The following DPP6 variants were observed in gnomAD, a reference collection of about 807,000 sequenced individuals.
DPP6 encodes the protein A-type potassium channel modulatory protein DPP6.
A neutral mutation model predicts 122.6 loss-of-function variants in DPP6; 69 were observed. The observed-to-expected ratio is 0.56, with a 90% CI of 0.46 to 0.69. The LOEUF (loss-of-function observed/expected upper bound fraction) is 0.69. DPP6 is among the 30% of genes least tolerant of loss of function. DPP6 has a pLI of 0.00. For synonymous variants in DPP6, 418 were observed against 433.1 expected (o/e 0.97, Z 0.43); for missense variants, 928 against 1,116.9 (o/e 0.83, Z 2.41).
intron 5 of DPP6, among the ~76,000 whole-genome samples, chr7:154,613,656 A>G (rs949181734): frequency 1.4e-5 from 2 of 145,240 alleles, no homozygotes; most frequent in African/African-American, 5.1e-5. Context: ...AAAAAAAAGT[A>G]GATGAAGCAA....
intron 9 of DPP6, among the ~76,000 whole-genome samples, chr7:154,772,556 C>A (rs1384036571): frequency 6.6e-6 from 1 of 152,182 alleles, no homozygotes; most frequent in African/African-American, 2.4e-5. Context: ...CTCGTCTTCT[C>A]TTTTAAGCAA....
intron 17 of DPP6, among the ~76,000 whole-genome samples, chr7:154,859,222 T>A (rs73485683): frequency 0.015 from 2,277 of 152,336 alleles, 62 homozygotes; most frequent in African/African-American, 0.052. Flanking sequence ...CATTTGCACC[T>A]CACGCCTCTG....
At chr7:154,775,339 C>T (rs1796495113) in intron 10 of DPP6, among the ~76,000 whole-genome samples, 1 of 152,126 alleles carries the variant, frequency 6.6e-6, no homozygotes, top group South Asian at 2.1e-4. Context: ...GCTGGTTCCT[C>T]CAATCGTTCC....
chr7:153,957,287 C>T (rs1280348081), intron 1 of DPP6, among the ~76,000 whole-genome samples: 1 of 152,214 alleles, frequency 6.6e-6, no homozygotes, highest in Non-Finnish European at 1.5e-5. Flanking sequence ...CCTGCTCTTG[C>T]ACTCCGAACC....
chr7:154,055,413 C>A (rs1196490032), intron 1 of DPP6, among the ~76,000 whole-genome samples: 1 of 149,868 alleles, frequency 6.7e-6, no homozygotes, highest in Non-Finnish European at 1.5e-5. Flanking sequence ...ACCACTTTTC[C>A]TCCAGGAACA....
At chr7:154,827,159 T>G (rs941915100) in intron 16 of DPP6, among the ~76,000 whole-genome samples, 1 of 151,010 alleles carries the variant, frequency 6.6e-6, no homozygotes, top group African/African-American at 2.4e-5. Context: ...GTTACGGGCA[T>G]ATGAGATACA....
chr7:154,466,330 T>C (rs1405660215), intron 2 of DPP6, among the ~76,000 whole-genome samples: 2 of 152,174 alleles, frequency 1.3e-5, no homozygotes, highest in Non-Finnish European at 2.9e-5. Context: ...ATTCTGCACA[T>C]GTATCCCAGA....
At chr7:154,769,679 C>T (rs548831535) in intron 9 of DPP6, 108 bp downstream of exon 9, 37 of 1,329,208 alleles carry the variant, frequency 2.8e-5, no homozygotes, top group Non-Finnish European at 3.4e-5. Flanking sequence ...ATGAGCAAAG[C>T]AGTTAACACA....
At chr7:153,933,770 C>T (rs956228658) in intron 1 of DPP6, among the ~76,000 whole-genome samples, 1 of 152,170 alleles carries the variant, frequency 6.6e-6, no homozygotes, top group Non-Finnish European at 1.5e-5. Flanking sequence ...TTAGTTCCCC[C>T]CCAGCAGGCA....
At chr7:154,081,955 G>A (rs1368286530) in intron 1 of DPP6, among the ~76,000 whole-genome samples, 8 of 152,132 alleles carry the variant, frequency 5.3e-5, no homozygotes, top group African/African-American at 1.2e-4. Context: ...TCTTGGGGAC[G>A]TCTCCCTACT....
chr7:154,230,047 A>AAAG (rs1563342985), intron 1 of DPP6, among the ~76,000 whole-genome samples: 1 of 152,170 alleles, frequency 6.6e-6, no homozygotes, highest in Non-Finnish European at 1.5e-5. Context: ...TGAACATCAT[A>AAAG]AAGGAAAGTT....
chr7:154,889,518 T>C lies in DPP6; in HGVS notation c.2439T>C (p.Asn813=). 6.2e-7 allele frequency: 1 copy of C among 1,607,880 alleles called. No homozygotes were observed. Among genetic ancestry groups the C allele is most frequent in the Non-Finnish European group, 8.5e-7 (1 of 1,177,744 alleles). ...CACAACTAATTAGGGGAAAGGCTAA[T>C]TACAGCTTACAGGTACAGTACGCAT... The part of the protein sequence containing the change: ...LITQLIRGKA[N]YSLQIYPDES... The change falls in exon 25 of 26, where the codon AAT becomes AAC. Residue 813 remains asparagine (N), a synonymous_variant. Coordinates refer to ENST00000377770, the MANE Select transcript of DPP6 (RefSeq NM_130797.4).
chr7:154,271,428 A>G (rs757172050), intron 1 of DPP6, among the ~76,000 whole-genome samples: 1 of 152,176 alleles, frequency 6.6e-6, no homozygotes, highest in Non-Finnish European at 1.5e-5. Flanking sequence ...GCTATTTTCC[A>G]TCATACAGAG....
At chr7:154,669,302 C>G (rs1838396684) in intron 6 of DPP6, 58 bp from the exon 7 acceptor site, 2 of 1,551,192 alleles carry the variant, frequency 1.3e-6, no homozygotes, top group Admixed American at 2.0e-5. Flanking sequence ...ATTGCAGCAG[C>G]TTAAATTCTT....
intron 1 of DPP6, among the ~76,000 whole-genome samples, chr7:153,892,590 C>T (rs1257095495): frequency 5.3e-5 from 8 of 152,068 alleles, no homozygotes; most frequent in African/African-American, 1.7e-4. Flanking sequence ...CTGTGAGCCA[C>T]CTCTCCCTGC....
At chr7:154,216,503 G>A (rs928519953) in intron 1 of DPP6, among the ~76,000 whole-genome samples, 7 of 152,184 alleles carry the variant, frequency 4.6e-5, no homozygotes, top group African/African-American at 1.4e-4. Context: ...TCAGGAGCTC[G>A]TGGCTTTGAG....
intron 1 of DPP6, among the ~76,000 whole-genome samples, chr7:154,171,993 A>G (rs1271732968): frequency 6.6e-6 from 1 of 152,174 alleles, no homozygotes; most frequent in Non-Finnish European, 1.5e-5. Flanking sequence ...AGATGTACAC[A>G]CTGGGATGCA....
At chr7:154,803,162 T>G (rs1410944473) in intron 13 of DPP6, among the ~76,000 whole-genome samples, 1 of 152,082 alleles carries the variant, frequency 6.6e-6, no homozygotes, top group Non-Finnish European at 1.5e-5. Context: ...CTCCACCTAG[T>G]TTAATCTCCA....
intron 1 of DPP6, among the ~76,000 whole-genome samples, chr7:154,257,430 C>T (rs536394295): frequency 2.0e-5 from 3 of 152,246 alleles, no homozygotes; most frequent in South Asian, 4.1e-4. Context: ...GCGGGTGGCT[C>T]ATACCTGTAA....
Sources: allele counts gnomAD v4.1 joint callset (sites outside exome capture counted in the v4.1 genomes callset), GRCh38; gene constraint gnomAD v4.1.1; transcripts MANE v1.5; gene names NCBI Gene and HGNC (gene_info 2026-07-23, HGNC 2026-07-21).